The following NUDT3 variants were observed in gnomAD, a reference collection of about 807,000 sequenced individuals.
NUDT3 encodes the protein diphosphoinositol polyphosphate phosphohydrolase 1.
A neutral mutation model predicts 23.6 loss-of-function variants in NUDT3; 9 were observed. The observed-to-expected ratio is 0.38, with a 90% confidence interval of 0.23 to 0.66. The LOEUF (loss-of-function observed/expected upper bound fraction) is 0.66. NUDT3 is among the 30% of genes least tolerant of loss of function. The pLI is 0.52. For synonymous variants in NUDT3, 86 were observed against 82.6 expected, an observed-to-expected ratio of 1.04 and a Z score of -0.22; for missense variants, 172 against 218.5, an observed-to-expected ratio of 0.79 and a Z score of 1.34.
intron 1 of NUDT3, among the ~76,000 whole-genome samples, chr6:34,352,963 G>A (rs1252464008): frequency 2.0e-5 from 3 of 151,914 alleles, no homozygotes; most frequent in African/African-American, 4.8e-5. Flanking sequence ...TCTAGAATTC[G>A]TCTTCCTAAT....
intron 2 of NUDT3, among the ~76,000 whole-genome samples, chr6:34,322,370 T>C (rs1240111433): frequency 4.6e-5 from 7 of 152,082 alleles, no homozygotes; most frequent in Admixed American, 2.0e-4. Flanking sequence ...AGCTGGGCTA[T>C]AGGCACCCGC....
intron 2 of NUDT3, among the ~76,000 whole-genome samples, chr6:34,318,782 C>G (rs1224652574): frequency 2.0e-5 from 3 of 152,040 alleles, no homozygotes; most frequent in Non-Finnish European, 4.4e-5. Context: ...AGGCTGGCCT[C>G]AAACTCCTGG....
At chr6:34,359,526 T>C (rs1015563286) in intron 1 of NUDT3, among the ~76,000 whole-genome samples, 13 of 152,352 alleles carry the variant, frequency 8.5e-5, no homozygotes, top group African/African-American at 2.9e-4. Context: ...ATACAATAAA[T>C]ATGTGACCTT....
chr6:34,339,257 T>A (rs978805406), intron 2 of NUDT3, among the ~76,000 whole-genome samples: 2 of 152,222 alleles, frequency 1.3e-5, no homozygotes, highest in Non-Finnish European at 2.9e-5. Context: ...GGAGACTTAG[T>A]TGCATTCCTT....
Position 34,303,577 on chromosome 6 carries a change from T to C in NUDT3, c.211-7892A>G, listed in dbSNP as rs554926203. Among the ~76,000 whole-genome samples the C allele has an allele frequency of 5.3e-5, 8 of 152,310 alleles. No individual in the cohort carries two copies. The South Asian group carries it at 8.3e-4, about 16-fold the overall frequency. On this transcript the variant is annotated intron_variant, in intron 2 of 4. Coordinates refer to ENST00000607016, the MANE Select transcript of NUDT3 (RefSeq NM_006703.4). ...TTGAACATTTCAAAAATACGATGTTTGCTATTGGTTTTATTAGATACTCTA... is the reference window on the plus strand; with the variant it reads ...TTGAACATTTCAAAAATACGATGTTCGCTATTGGTTTTATTAGATACTCTA...
At chr6:34,325,544 C>A (rs1160875501) in intron 2 of NUDT3, among the ~76,000 whole-genome samples, 3 of 152,170 alleles carry the variant, frequency 2.0e-5, no homozygotes, top group African/African-American at 7.2e-5. Context: ...CTTTTAACTT[C>A]TTTTGCTGTA....
At chr6:34,385,591 T>C (rs1318650362) in intron 1 of NUDT3, among the ~76,000 whole-genome samples, 1 of 151,196 alleles carries the variant, frequency 6.6e-6, no homozygotes, top group Non-Finnish European at 1.5e-5. Flanking sequence ...CTAAAAACAT[T>C]CATGAAGTAA....
chr6:34,334,640 AG>A (rs556546677), intron 2 of NUDT3, among the ~76,000 whole-genome samples: 2 of 152,130 alleles, frequency 1.3e-5, no homozygotes, highest in South Asian at 4.2e-4. Context: ...TCTCAAAAAA[AG>A]AAAAAAGAAA....
At chr6:34,338,855 G>T (rs1485963703) in intron 2 of NUDT3, among the ~76,000 whole-genome samples, 1 of 152,236 alleles carries the variant, frequency 6.6e-6, no homozygotes, top group Non-Finnish European at 1.5e-5. Flanking sequence ...AGGGAATCTG[G>T]TTGGGTCAAA....
At chr6:34,334,209 T>C (rs917191487) in intron 2 of NUDT3, among the ~76,000 whole-genome samples, 3 of 152,094 alleles carry the variant, frequency 2.0e-5, no homozygotes, top group African/African-American at 7.2e-5. Flanking sequence ...ATTTGGAGAG[T>C]ATGTCTATTT....
rs1360734323 is a variant in NUDT3 at position 34,282,932 on chromosome 6, T to C, written c.*5821A>G. On this transcript the variant is annotated 3_prime_UTR_variant, in exon 5 of 5. Coordinates refer to ENST00000607016, the MANE Select transcript of NUDT3 (RefSeq NM_006703.4). Reference sequence around the variant, plus strand: ...CTTCTTTCCACCTTCTAGATAGTAATCTTACTTTTGTTGGCTAAAAGCACT... The same window carrying C: ...CTTCTTTCCACCTTCTAGATAGTAACCTTACTTTTGTTGGCTAAAAGCACT... 2.6e-5 allele frequency: 4 copies of C among 152,176 alleles called. No individual in the cohort carries two copies. Among genetic ancestry groups the C allele is most frequent in the Non-Finnish European group, 5.9e-5 (4 of 68,042 alleles). 9.4% of individuals were successfully genotyped at this position (152,176 alleles called of 1,614,324 possible). A position where few individuals can be genotyped will look rare whatever the true frequency, so the allele number is the denominator to read the frequency against.
At chr6:34,363,207 C>T (rs909548587) in intron 1 of NUDT3, among the ~76,000 whole-genome samples, 1 of 152,132 alleles carries the variant, frequency 6.6e-6, no homozygotes, top group African/African-American at 2.4e-5. Context: ...GCATAATATG[C>T]TAACAGCTAC....
rs1763311778 is a variant in NUDT3 at position 34,284,515 on chromosome 6, G to A, written c.*4238C>T. The stretch of plus-strand genomic sequence containing the variant: ...TTTTTGTGAACTAAAAAAAGTGAAT[G>A]TGGCTTAGGCTAAGCTGTTTTTTTT... On this transcript the variant is annotated 3_prime_UTR_variant, in exon 5 of 5. Coordinates refer to ENST00000607016, the MANE Select transcript of NUDT3 (RefSeq NM_006703.4). The A allele has an allele frequency of 6.7e-6, 1 of 149,088 alleles. No homozygotes were observed. Among genetic ancestry groups the A allele is most frequent in the Non-Finnish European group, 1.5e-5 (1 of 67,600 alleles). 9.2% of individuals were successfully genotyped at this position (149,088 alleles called of 1,614,324 possible). A position where few individuals can be genotyped will look rare whatever the true frequency, so the allele number is the denominator to read the frequency against.
intron 1 of NUDT3, among the ~76,000 whole-genome samples, chr6:34,375,122 C>A (rs1764900224): frequency 6.6e-6 from 1 of 152,166 alleles, no homozygotes; most frequent in Non-Finnish European, 1.5e-5. Context: ...GTAGGCGGAT[C>A]ACCCGAGGTC....
At position 34,280,711 on chromosome 6, in the gene NUDT3, A is replaced by G. The variant is rs1763270754; in HGVS notation, c.*8042T>C. The G allele has an allele frequency of 6.6e-6, 1 of 152,276 alleles. No individual in the cohort carries two copies. The highest frequency in any genetic ancestry group is 1.5e-5 in the Non-Finnish European group (1 of 68,066). 9.4% of individuals were successfully genotyped at this position (152,276 alleles called of 1,614,324 possible). On this transcript the variant is annotated 3_prime_UTR_variant, in exon 5 of 5. Coordinates refer to ENST00000607016, the MANE Select transcript of NUDT3 (RefSeq NM_006703.4). ...GAGATTAGGTGACCTAATGATGAGAAGGCTAACTTATTTGCTTTCCTGGGT... is the reference window on the plus strand; with the variant it reads ...GAGATTAGGTGACCTAATGATGAGAGGGCTAACTTATTTGCTTTCCTGGGT...
chr6:34,372,678 C>T (rs1355080988), intron 1 of NUDT3, among the ~76,000 whole-genome samples: 1 of 151,956 alleles, frequency 6.6e-6, no homozygotes, highest in Admixed American at 6.6e-5. Context: ...GTGGTACATG[C>T]CTGTAATCCC....
intron 2 of NUDT3, among the ~76,000 whole-genome samples, chr6:34,328,750 A>G (rs1764081317): frequency 6.6e-6 from 1 of 152,188 alleles, no homozygotes; most frequent in Non-Finnish European, 1.5e-5. Flanking sequence ...CCCTGACCAT[A>G]TTAATTCCTC....
intron 1 of NUDT3, among the ~76,000 whole-genome samples, chr6:34,371,547 C>A (rs1764829407): frequency 6.6e-6 from 1 of 152,056 alleles, no homozygotes; most frequent in African/African-American, 2.4e-5. Flanking sequence ...CAGGAAAGAA[C>A]AATCACTACT....
chr6:34,355,054 C>T (rs555512905), intron 1 of NUDT3, among the ~76,000 whole-genome samples: 4 of 151,938 alleles, frequency 2.6e-5, no homozygotes, highest in Non-Finnish European at 4.4e-5. Flanking sequence ...CTGGGGCTTC[C>T]AGAATAATGT....
Sources: gnomAD v4.1 joint callset for allele counts (sites outside exome capture counted in the v4.1 genomes callset) on GRCh38, gnomAD v4.1.1 for gene constraint, MANE v1.5 for transcripts, NCBI Gene and HGNC (gene_info 2026-07-23, HGNC 2026-07-21) for gene names.